Variants in CLASP2 observed in about 807,000 individuals in gnomAD.
CLASP2 encodes cytoplasmic linker associated protein 2, also known as CLIP-associating protein 2.
In CLASP2, 47 loss-of-function variants were observed where a neutral mutation model predicts 194.4. The observed-to-expected ratio is 0.24, with a 90% CI of 0.19 to 0.31. The LOEUF (loss-of-function observed/expected upper bound fraction) is 0.31. CLASP2 is among the 10% of genes least tolerant of loss of function. CLASP2 has a pLI of 1.00. For synonymous variants in CLASP2, 619 were observed against 633.5 expected (o/e 0.98, Z 0.34); for missense variants, 1,445 against 1,823.6 (o/e 0.79, Z 3.78).
intron 2 of CLASP2, among the ~76,000 whole-genome samples, chr3:33,695,220 ATTT>A (rs762657276): frequency 3.9e-5 from 4 of 103,838 alleles, no homozygotes; most frequent in Non-Finnish European, 5.6e-5. Context: ...AAGCCTGCTA[ATTT>A]TTTTTTTTTT....
At chr3:33,509,786 T>A (rs2049250040) in intron 37 of CLASP2, among the ~76,000 whole-genome samples, 1 of 152,178 alleles carries the variant, frequency 6.6e-6, no homozygotes, top group Non-Finnish European at 1.5e-5. Context: ...ACACATCTCA[T>A]TTTTGTTAAA....
rs756504840 is a variant in CLASP2 at position 33,581,837 on chromosome 3, G to A, written c.2331C>T (p.Arg777=). The stretch of plus-strand genomic sequence containing the variant: ...AATACGTACCGAGGGGCTGAAAAGA[G>A]CGAACAGGACTTGTGTCTCTGCTGC... ...RESSRDTSPV[R]SFQPLGPGYG... The change falls in exon 23 of 39, where the codon CGC becomes CGT. Residue 777 remains arginine (R), a synonymous_variant. Coordinates refer to ENST00000682230, the MANE Select transcript of CLASP2 (RefSeq NM_001365631.1). The A allele has an allele frequency of 1.6e-5, 26 of 1,613,130 alleles. No individual in the cohort carries two copies. Among genetic ancestry groups the A allele is most frequent in the South Asian group, 6.6e-5 (6 of 90,878 alleles).
intron 18 of CLASP2, among the ~76,000 whole-genome samples, chr3:33,599,684 A>G (rs1302073107): frequency 6.6e-6 from 1 of 152,182 alleles, no homozygotes; most frequent in Non-Finnish European, 1.5e-5. Flanking sequence ...ATGTATAGCC[A>G]TAAGTGAGGC....
At chr3:33,516,932 TA>T in intron 35 of CLASP2, 48 bp downstream of exon 35, 1 of 1,487,354 alleles carries the variant, frequency 6.7e-7, no homozygotes, top group Non-Finnish European at 9.3e-7. Context: ...ACAGGCAATG[TA>T]AAAGAGACAG....
At chr3:33,647,760 C>G (rs1466272241) in intron 7 of CLASP2, among the ~76,000 whole-genome samples, 1 of 152,144 alleles carries the variant, frequency 6.6e-6, no homozygotes, top group African/African-American at 2.4e-5. Context: ...GTAGGCCGGG[C>G]GCGGTGGCTC....
rs1027731514 is a variant in CLASP2, at chr3:33,571,015, A to ATTTTTTTTTTTTTTTTTTTTTTT, written c.2700-226_2700-225insAAAAAAAAAAAAAAAAAAAAAAA. 8.8e-4 allele frequency among the ~76,000 whole-genome samples: 109 copies of ATTTTTTTTTTTTTTTTTTTTTTT among 123,892 alleles called. 5 individuals carry two copies. The highest frequency in any genetic ancestry group is 3.6e-3 in the East Asian group (14 of 3,908). 81.3% of individuals were successfully genotyped at this position (123,892 alleles called of 152,430 possible). A position where few individuals can be genotyped will look rare whatever the true frequency, so the allele number is the denominator to read the frequency against. On this transcript the variant is annotated intron_variant, in intron 25 of 38. Transcript: ENST00000682230. ...AGATGGCAAGATCCTGTCTCTATAAATTTTTTTTTTTTTTTTTTGAGACGG... is the reference window on the plus strand; with the variant it reads ...AGATGGCAAGATCCTGTCTCTATAAATTTTTTTTTTTTTTTTTTTTTTTTTTTTTTTTTTTTTTTTTGAGACGG...
intron 25 of CLASP2, among the ~76,000 whole-genome samples, 196 bp downstream of exon 25, chr3:33,572,914 T>TC (rs1341593046): frequency 1.3e-5 from 2 of 150,196 alleles, no homozygotes; most frequent in Non-Finnish European, 1.5e-5. Flanking sequence ...ACAAATAATT[T>TC]TTTTTTTTTT....
chr3:33,584,436 C>T (rs1297049883), intron 22 of CLASP2, among the ~76,000 whole-genome samples: 3 of 151,402 alleles, frequency 2.0e-5, no homozygotes, highest in Non-Finnish European at 2.9e-5. Flanking sequence ...CCATGCCTGG[C>T]TAATTTTTGT....
At chr3:33,653,846 AATT>A (rs1157564599) in intron 7 of CLASP2, among the ~76,000 whole-genome samples, 2 of 152,144 alleles carry the variant, frequency 1.3e-5, no homozygotes, top group Non-Finnish European at 2.9e-5. Context: ...TTCATTAAAA[AATT>A]ATAATAATTT....
intron 21 of CLASP2, among the ~76,000 whole-genome samples, chr3:33,590,039 T>C (rs1484575720): frequency 3.3e-5 from 5 of 152,178 alleles, no homozygotes; most frequent in Non-Finnish European, 5.9e-5. Context: ...TAAAATTCAG[T>C]TGACATTTGA....
intron 14 of CLASP2, 43 bp downstream of exon 14, chr3:33,608,524 A>G (rs769765769): frequency 6.9e-7 from 1 of 1,459,192 alleles, no homozygotes; most frequent in Non-Finnish European, 9.6e-7. Context: ...AGAACTGGTG[A>G]CAATGGGGAG....
At position 33,629,055 on chromosome 3, in the gene CLASP2, G is replaced by T. The variant is rs550115992; in HGVS notation, c.943-1975C>A. ...TGGTTGATTTTGGTGCCTCAACGAT[G>T]ATCAGTGATTTACTCAAGACCTGTT... On this transcript the variant is annotated intron_variant, in intron 9 of 38. Coordinates refer to ENST00000682230, the MANE Select transcript of CLASP2 (RefSeq NM_001365631.1). 4.6e-5 allele frequency among the ~76,000 whole-genome samples: 7 copies of T among 152,158 alleles called. No individual in the cohort carries two copies. The East Asian group carries it at 1.4e-3, about 29-fold the overall frequency.
chr3:33,688,851 C>T (rs1446647294), intron 3 of CLASP2, among the ~76,000 whole-genome samples: 2 of 151,922 alleles, frequency 1.3e-5, no homozygotes, highest in African/African-American at 2.4e-5. Flanking sequence ...AATTCAGAGA[C>T]GTATTTGGGC....
chr3:33,544,902 C>G, intron 30 of CLASP2, 61 bp from the exon 31 acceptor site: 1 of 1,275,440 alleles, frequency 7.8e-7, no homozygotes. Flanking sequence ...AGACCGTTTT[C>G]TTCCCCTACA....
At chr3:33,653,375 T>C (rs556417278) in intron 7 of CLASP2, among the ~76,000 whole-genome samples, 15 of 152,036 alleles carry the variant, frequency 9.9e-5, no homozygotes, top group Non-Finnish European at 2.2e-4. Context: ...AAAAATCTAG[T>C]GTGCAGGAAG....
chr3:33,706,586 G>A (rs1045851905), intron 1 of CLASP2, among the ~76,000 whole-genome samples: 9 of 152,134 alleles, frequency 5.9e-5, no homozygotes, highest in African/African-American at 2.2e-4. Flanking sequence ...GATACAGACA[G>A]AAGACAGAAG....
chr3:33,588,772 T>A (rs1482844139), intron 21 of CLASP2: 1 of 701,070 alleles, frequency 1.4e-6, no homozygotes, highest in Non-Finnish European at 2.6e-6. Flanking sequence ...AGGATTATAA[T>A]CCATGAAGAG....
Position 33,679,567 on chromosome 3 carries a change from A to G in CLASP2, c.644+4792T>C, listed in dbSNP as rs551118095. Among the ~76,000 whole-genome samples the G allele has an allele frequency of 2.0e-5, 3 of 152,346 alleles. No individual in the cohort carries two copies. The South Asian group carries it at 6.2e-4, about 32-fold the overall frequency. On this transcript the variant is annotated intron_variant, in intron 6 of 38. Coordinates refer to ENST00000682230, the MANE Select transcript of CLASP2 (RefSeq NM_001365631.1). ...GGAAGTTAACAATCCATTTTAAATAAGGGCAAAAGATCTGAACAAACATCT... is the reference window on the plus strand; with the variant it reads ...GGAAGTTAACAATCCATTTTAAATAGGGGCAAAAGATCTGAACAAACATCT...
At chr3:33,641,526 T>A (rs1204668550) in intron 8 of CLASP2, among the ~76,000 whole-genome samples, 1 of 151,956 alleles carries the variant, frequency 6.6e-6, no homozygotes, top group African/African-American at 2.4e-5. Context: ...ACACATTTAT[T>A]AATACAATAT....
Sources: allele counts gnomAD v4.1 joint callset (sites outside exome capture counted in the v4.1 genomes callset), GRCh38; gene constraint gnomAD v4.1.1; transcripts MANE v1.5; gene names NCBI Gene and HGNC (gene_info 2026-07-23, HGNC 2026-07-21).